PEAK1: variants seen among roughly 807,000 people sequenced by gnomAD.
PEAK1 encodes pseudopodium enriched atypical kinase 1.
Under a neutral mutation model 124.7 loss-of-function variants are expected in PEAK1, and 54 were observed. The observed-to-expected ratio is 0.43, with a 90% confidence interval of 0.35 to 0.54. The LOEUF (loss-of-function observed/expected upper bound fraction) is 0.54. Ranked by LOEUF, PEAK1 falls within the 20% of genes least tolerant of loss-of-function variation. PEAK1 has a pLI of 0.01. For missense variants in PEAK1, 2,046 were observed against 2,134.5 expected (o/e 0.96, Z 0.82); for synonymous variants, 719 against 760.0 (o/e 0.95, Z 0.89).
chr15:77,385,609 T>C (rs2069862076), intron 1 of PEAK1, among the ~76,000 whole-genome samples: 1 of 152,146 alleles, frequency 6.6e-6, no homozygotes, highest in Non-Finnish European at 1.5e-5. Context: ...GAGACCCCTA[T>C]AAGGAAGGCT....
chr15:77,347,891 A>T, intron 2 of PEAK1: 2 of 963,596 alleles, frequency 2.1e-6, no homozygotes, highest in African/African-American at 3.5e-5. Flanking sequence ...TATACCTACT[A>T]AAAAAAAAGT....
chr15:77,190,747 C>A (rs997283609), intron 6 of PEAK1, among the ~76,000 whole-genome samples: 2 of 152,096 alleles, frequency 1.3e-5, no homozygotes, highest in Non-Finnish European at 1.5e-5. Flanking sequence ...GTGTATTGTA[C>A]CAATCTTGAA....
chr15:77,199,859 G>GT (rs2058279637), intron 6 of PEAK1, among the ~76,000 whole-genome samples: 1 of 152,198 alleles, frequency 6.6e-6, no homozygotes, highest in African/African-American at 2.4e-5. Flanking sequence ...AGACAATCCA[G>GT]TAGAAGGATT....
At chr15:77,243,447 G>A (rs576377943) in intron 6 of PEAK1, among the ~76,000 whole-genome samples, 1 of 152,164 alleles carries the variant, frequency 6.6e-6, no homozygotes, top group South Asian at 2.1e-4. Context: ...TCCACTTTCA[G>A]GAAAAAGCCT....
At chr15:77,353,475 C>G (rs1400829075) in intron 2 of PEAK1, among the ~76,000 whole-genome samples, 1 of 152,040 alleles carries the variant, frequency 6.6e-6, no homozygotes, top group Non-Finnish European at 1.5e-5. Flanking sequence ...GCTTGAAGAG[C>G]CTGGTAGAAA....
chr15:77,328,766 G>A (rs879447723), intron 2 of PEAK1, among the ~76,000 whole-genome samples: 4 of 152,086 alleles, frequency 2.6e-5, no homozygotes, highest in Admixed American at 1.3e-4. Flanking sequence ...AAAAACATAA[G>A]CATTATAAAC....
At chr15:77,298,811 C>T (rs1406024271) in intron 2 of PEAK1, among the ~76,000 whole-genome samples, 26 of 152,086 alleles carry the variant, frequency 1.7e-4, no homozygotes, top group Admixed American at 1.7e-3. Context: ...CCTTCTACAC[C>T]TCCAAAAAAC....
intron 3 of PEAK1, 23 bp from the exon 4 acceptor site, chr15:77,285,078 T>C (rs2062854249): frequency 2.4e-5 from 2 of 83,650 alleles, no homozygotes; most frequent in Admixed American, 1.2e-4. Context: ...GTGAGACTCG[T>C]CTCAAAAAAA....
chr15:77,179,275 G>T lies in PEAK1; in HGVS notation c.2652C>A (p.Asn884Lys). ...AGTTGGTGAAATGCCTCTGCAAAAG[G>T]TTACCTGCATGGTAAGGAGAAGAAG... is the stretch of plus-strand genomic sequence containing the variant. ...RSTSSPYHAG[N>K]LLQRHFTNWT... Residue 884 changes from asparagine (N) to lysine (K), a missense_variant, in exon 7 of 10, where the codon AAC becomes AAA. By Grantham distance (94) the Asn-to-Lys change is moderately conservative (BLOSUM62 0). Transcript: ENST00000682557. The T allele has an allele frequency of 6.2e-7, 1 of 1,614,134 alleles. No individual in the cohort carries two copies. Among genetic ancestry groups the T allele is most frequent in the Non-Finnish European group, 8.5e-7 (1 of 1,180,028 alleles).
At chr15:77,170,226 T>C (rs2056413272) in intron 7 of PEAK1, among the ~76,000 whole-genome samples, 2 of 152,032 alleles carry the variant, frequency 1.3e-5, no homozygotes, top group Non-Finnish European at 2.9e-5. Flanking sequence ...TGGTAAACGG[T>C]GGTTTACTAT....
chr15:77,285,100 A>C (rs928057836), intron 3 of PEAK1, 45 bp from the exon 4 acceptor site: 2 of 150,718 alleles, frequency 1.3e-5, no homozygotes, highest in South Asian at 2.1e-4. Context: ...AAAAAAAAGT[A>C]AGTCAATAGA....
intron 1 of PEAK1, among the ~76,000 whole-genome samples, chr15:77,380,925 A>T (rs1190563677): frequency 6.6e-6 from 1 of 152,138 alleles, no homozygotes; most frequent in Admixed American, 6.6e-5. Context: ...TTTAGGAGGG[A>T]CTTATTTGTC....
chr15:77,262,543 G>C (rs990124873), intron 5 of PEAK1, among the ~76,000 whole-genome samples: 64 of 151,794 alleles, frequency 4.2e-4, no homozygotes, highest in Non-Finnish European at 6.9e-4. Flanking sequence ...GGGATCAATT[G>C]AACAAGAAGA....
At chr15:77,166,615 G>T (rs2056119322) in intron 7 of PEAK1, among the ~76,000 whole-genome samples, 1 of 152,184 alleles carries the variant, frequency 6.6e-6, no homozygotes, top group African/African-American at 2.4e-5. Context: ...TACTAGGCAG[G>T]CTATTTTCTG....
intron 6 of PEAK1, among the ~76,000 whole-genome samples, chr15:77,196,045 G>A (rs1189440723): frequency 6.6e-6 from 1 of 152,206 alleles, no homozygotes; most frequent in Non-Finnish European, 1.5e-5. Flanking sequence ...TCGTAAGCAA[G>A]AGCCAGCTAA....
Position 77,202,766 on chromosome 15 carries a change from C to T in PEAK1, c.-114-20726G>A, listed in dbSNP as rs572824839. Among the ~76,000 whole-genome samples, 36 of 147,894 alleles carry T rather than the reference C, an allele frequency of 2.4e-4. 1 individual carries two copies. The South Asian group carries it at 7.2e-3, about 30-fold the overall frequency. On this transcript the variant is annotated intron_variant, in intron 6 of 9. Coordinates refer to ENST00000682557, the MANE Select transcript of PEAK1 (RefSeq NM_001385026.1). ...CCTAGGTGACAGAGTGAGACTCCATCTCAAAAAAAAAAAATGAAAATCATC... is the reference window on the plus strand; with the variant it reads ...CCTAGGTGACAGAGTGAGACTCCATTTCAAAAAAAAAAAATGAAAATCATC...
At chr15:77,297,775 A>G (rs1254417224) in intron 2 of PEAK1, among the ~76,000 whole-genome samples, 1 of 148,724 alleles carries the variant, frequency 6.7e-6, no homozygotes, top group Admixed American at 6.7e-5. Flanking sequence ...AAAAAAAAAA[A>G]AGGCCGGGTG....
chr15:77,391,394 A>G (rs2070435127), intron 1 of PEAK1, among the ~76,000 whole-genome samples: 1 of 151,246 alleles, frequency 6.6e-6, no homozygotes, highest in South Asian at 2.1e-4. Context: ...CCCTGCTCAC[A>G]AAGTTTATAT....
At chr15:77,182,071 G>A in intron 6 of PEAK1, 31 bp from the exon 7 acceptor site, 1 of 1,361,930 alleles carries the variant, frequency 7.3e-7, no homozygotes, top group Non-Finnish European at 9.4e-7. Flanking sequence ...CAAAAAATCT[G>A]AATGAAAAAG....
Sources: allele counts gnomAD v4.1 joint callset (sites outside exome capture counted in the v4.1 genomes callset), GRCh38; gene constraint gnomAD v4.1.1; transcripts MANE v1.5; gene names NCBI Gene and HGNC (gene_info 2026-07-23, HGNC 2026-07-21).